Variants in SLC4A4 observed in about 807,000 individuals in gnomAD.
SLC4A4 encodes the protein electrogenic sodium bicarbonate cotransporter 1.
In SLC4A4, 27 loss-of-function variants were observed where a neutral mutation model predicts 111.5. The observed-to-expected ratio is 0.24, with a 90% CI of 0.18 to 0.33. SLC4A4 has a LOEUF of 0.33. Ranked by LOEUF, SLC4A4 falls within the 10% of genes least tolerant of loss-of-function variation. SLC4A4 has a pLI of 1.00. For synonymous variants in SLC4A4, 443 were observed against 463.4 expected (o/e 0.96, Z 0.57); for missense variants, 909 against 1,315.5 (o/e 0.69, Z 4.78).
intron 7 of SLC4A4, among the ~76,000 whole-genome samples, chr4:71,399,333 C>T (rs1560473273): frequency 6.6e-6 from 1 of 152,008 alleles, no homozygotes; most frequent in African/African-American, 2.4e-5. Flanking sequence ...TGGTGTTCCT[C>T]TTTAACTGAC....
Position 71,519,965 on chromosome 4 carries a change from A to C in SLC4A4, c.2167-12097A>C, listed in dbSNP as rs6816413. ...GCACCTGGCCAAGAATATCATTTTT[A>C]TCTCTCATTCGCCAAAATATGTTTT... On this transcript the variant is annotated intron_variant, in intron 16 of 25. Coordinates refer to ENST00000264485, the MANE Select transcript of SLC4A4 (RefSeq NM_001098484.3). Among the ~76,000 whole-genome samples, 1,375 of 152,256 alleles carry C rather than the reference A, an allele frequency of 9.0e-3. 21 individuals are homozygous for C. The highest frequency in any genetic ancestry group is 0.03 in the African/African-American group (1,259 of 41,548).
intron 4 of SLC4A4, among the ~76,000 whole-genome samples, chr4:71,344,224 G>C (rs866241372): frequency 1.1e-4 from 17 of 152,140 alleles, no homozygotes; most frequent in Admixed American, 3.3e-4. Flanking sequence ...CTGGTTAATA[G>C]AATCAATGAA....
Position 71,365,922 on chromosome 4 carries a change from C to G in SLC4A4, c.730+8735C>G, listed in dbSNP as rs55841704. Among the ~76,000 whole-genome samples, 1,204 of 152,196 alleles carry G rather than the reference C, an allele frequency of 7.9e-3. 16 individuals carry two copies. Among genetic ancestry groups the G allele is most frequent in the African/African-American group, 0.026 (1,065 of 41,526 alleles). ...GCTTAATAATCATATGCTAATTCAA[C>G]CACAAGGGGATGAGCTTCCTCAATC... is the stretch of plus-strand genomic sequence containing the variant. On this transcript the variant is annotated intron_variant, in intron 6 of 25. Coordinates refer to ENST00000264485, the MANE Select transcript of SLC4A4 (RefSeq NM_001098484.3).
intron 2 of SLC4A4, 50 bp from the exon 3 acceptor site, chr4:71,255,170 C>A: frequency 6.7e-7 from 1 of 1,482,126 alleles, no homozygotes; most frequent in Non-Finnish European, 9.4e-7. Flanking sequence ...AATTTGTCTG[C>A]AGTAGAGAAT....
chr4:71,375,137 T>C (rs192125252), intron 6 of SLC4A4, among the ~76,000 whole-genome samples: 1 of 152,324 alleles, frequency 6.6e-6, no homozygotes, highest in Non-Finnish European at 1.5e-5. Flanking sequence ...GCTTGTTTTC[T>C]GGGGTCAGTG....
At chr4:71,156,563 TGTGC>T (rs1744470567) in intron 2 of SLC4A4, among the ~76,000 whole-genome samples, 2 of 19,366 alleles carry the variant, frequency 1.0e-4, no homozygotes, top group Admixed American at 7.3e-4. Context: ...CAAATAAGTG[TGTGC>T]GCGCATGCGC....
At chr4:71,296,631 A>T (rs1056596567) in intron 3 of SLC4A4, among the ~76,000 whole-genome samples, 1 of 152,188 alleles carries the variant, frequency 6.6e-6, no homozygotes, top group African/African-American at 2.4e-5. Flanking sequence ...TGATTTGATG[A>T]TTTCTACTAA....
intron 2 of SLC4A4, among the ~76,000 whole-genome samples, chr4:71,108,275 G>C (rs746182948): frequency 1.3e-5 from 2 of 152,098 alleles, no homozygotes; most frequent in South Asian, 2.1e-4. Flanking sequence ...TCCAACTACT[G>C]TCTAATGTTC....
At position 71,560,288 on chromosome 4, in the gene SLC4A4, G is replaced by A. The variant is rs1456675385; in HGVS notation, c.3099+34G>A. The stretch of plus-strand genomic sequence containing the variant: ...CTTTCCAAATTCCAAAGGAAAGCTA[G>A]TTAAAGAAACAAATGTGAAAATTGT... On this transcript the variant is annotated intron_variant, in intron 23 of 25. Transcript: ENST00000264485. The A allele has an allele frequency of 4.5e-6, 7 of 1,572,898 alleles. No homozygotes were observed. In the African/African-American group the frequency reaches 5.4e-5, roughly 12 times the overall value.
At chr4:71,417,093 A>G (rs1485389203) in intron 7 of SLC4A4, among the ~76,000 whole-genome samples, 3 of 152,202 alleles carry the variant, frequency 2.0e-5, no homozygotes, top group Non-Finnish European at 2.9e-5. Flanking sequence ...AAGATGCCAC[A>G]ACACAGGTGT....
At chr4:71,286,383 A>C (rs1723922202) in intron 3 of SLC4A4, among the ~76,000 whole-genome samples, 1 of 152,334 alleles carries the variant, frequency 6.6e-6, no homozygotes, top group Middle Eastern at 3.4e-3. Context: ...AAAGCACTGG[A>C]TGTAAAGGAC....
At chr4:71,192,609 T>C (rs1051684113) in intron 1 of SLC4A4, among the ~76,000 whole-genome samples, 7 of 152,308 alleles carry the variant, frequency 4.6e-5, no homozygotes, top group East Asian at 1.9e-4. Context: ...TGGACTCTTA[T>C]AGCATCACTT....
intron 2 of SLC4A4, among the ~76,000 whole-genome samples, chr4:71,253,700 T>G (rs886629060): frequency 6.6e-6 from 1 of 152,126 alleles, no homozygotes; most frequent in Non-Finnish European, 1.5e-5. Context: ...AATATAGCTT[T>G]CCCATGAGAA....
chr4:71,395,428 A>G (rs1038261124), intron 6 of SLC4A4, among the ~76,000 whole-genome samples: 1 of 152,214 alleles, frequency 6.6e-6, no homozygotes, highest in Non-Finnish European at 1.5e-5. Context: ...ATTTCTTAAT[A>G]CTAGTCTTCT....
intron 7 of SLC4A4, among the ~76,000 whole-genome samples, chr4:71,401,926 A>T (rs1243027539): frequency 1.3e-5 from 2 of 152,214 alleles, no homozygotes; most frequent in Non-Finnish European, 2.9e-5. Flanking sequence ...GTAACTGCTT[A>T]TCTGGTTATT....
intron 7 of SLC4A4, among the ~76,000 whole-genome samples, chr4:71,421,722 G>A (rs556193187): frequency 1.1e-4 from 17 of 152,238 alleles, no homozygotes; most frequent in Admixed American, 2.0e-4. Context: ...TGAACAACCT[G>A]CTCCTGAATG....
rs555443875 is a variant in SLC4A4 at position 71,157,208 on chromosome 4, G to T, written c.-2+64416G>T. Among the ~76,000 whole-genome samples, 5 of 152,142 alleles carry T rather than the reference G, an allele frequency of 3.3e-5. No individual in the cohort carries two copies. In the East Asian group the frequency reaches 9.7e-4, roughly 29 times the overall value. On this transcript the variant is annotated intron_variant, in intron 2 of 26. Transcript: ENST00000649996. ...AAGTTGAGTGTGCGTCACTATCAAAGAAAAAGGAAATTGGAATAATTATAT... is the reference window on the plus strand; with the variant it reads ...AAGTTGAGTGTGCGTCACTATCAAATAAAAAGGAAATTGGAATAATTATAT...
intron 18 of SLC4A4, among the ~76,000 whole-genome samples, chr4:71,537,381 CAT>C (rs199929263): frequency 0.014 from 484 of 35,166 alleles, 4 homozygotes; most frequent in African/African-American, 0.033. Context: ...TGTATATATA[CAT>C]ATGTGTGTGT....
At chr4:71,258,651 A>G (rs572468255) in intron 3 of SLC4A4, among the ~76,000 whole-genome samples, 1 of 152,308 alleles carries the variant, frequency 6.6e-6, no homozygotes, top group South Asian at 2.1e-4. Context: ...AATATTTCTT[A>G]TATCCTAGAT....
Sources: gnomAD v4.1 joint callset for allele counts (sites outside exome capture counted in the v4.1 genomes callset) on GRCh38, gnomAD v4.1.1 for gene constraint, MANE v1.5 for transcripts, NCBI Gene and HGNC (gene_info 2026-07-23, HGNC 2026-07-21) for gene names.